GABBR2: variants seen among roughly 807,000 people sequenced by gnomAD.
GABBR2 encodes G-protein coupled receptor 51.
A neutral mutation model predicts 105.6 loss-of-function variants in GABBR2; 23 were observed. The ratio of observed to expected loss-of-function variants is 0.22; its 90% CI spans 0.16 to 0.31. GABBR2 has a LOEUF of 0.31. Among genes scored for constraint, GABBR2 ranks in the 10% least tolerant of loss-of-function variants. The probability of loss-of-function intolerance (pLI) is 1.00; values close to 1 mark genes in which losing one functional copy is unlikely to be tolerated. For synonymous variants in GABBR2, 478 were observed against 499.7 expected, an observed-to-expected ratio of 0.96 and a Z score of 0.58; for missense variants, 734 against 1,245.5, an observed-to-expected ratio of 0.59 and a Z score of 6.18.
chr9:98,353,413 CT>C (rs1428030249), intron 13 of GABBR2, among the ~76,000 whole-genome samples: 1 of 152,150 alleles, frequency 6.6e-6, no homozygotes, highest in Non-Finnish European at 1.5e-5. Context: ...TTCCAAACTC[CT>C]GTTAATGTTG....
At chr9:98,501,701 C>T (rs534728827) in intron 3 of GABBR2, among the ~76,000 whole-genome samples, 4 of 152,286 alleles carry the variant, frequency 2.6e-5, no homozygotes, top group South Asian at 4.2e-4. Context: ...GTGTAAAGGT[C>T]ACAAAGGGTG....
chr9:98,533,743 C>T (rs1454008366), intron 3 of GABBR2, among the ~76,000 whole-genome samples: 2 of 152,132 alleles, frequency 1.3e-5, no homozygotes, highest in African/African-American at 2.4e-5. Context: ...ACAGAGACGG[C>T]ACACCTGGAG....
At chr9:98,393,076 A>C (rs1427576385) in intron 9 of GABBR2, among the ~76,000 whole-genome samples, 1 of 143,692 alleles carries the variant, frequency 7.0e-6, no homozygotes, top group Non-Finnish European at 1.5e-5. Flanking sequence ...CCATCCACAC[A>C]CCCACTCATC....
chr9:98,376,203 C>T (rs933818929), intron 11 of GABBR2, among the ~76,000 whole-genome samples: 6 of 152,222 alleles, frequency 3.9e-5, no homozygotes, highest in Admixed American at 2.0e-4. Flanking sequence ...TCTGCTCAGC[C>T]GCTTGCTCCA....
intron 15 of GABBR2, chr9:98,304,368 C>T (rs1352823169): frequency 6.6e-6 from 1 of 152,360 alleles, no homozygotes; most frequent in Non-Finnish European, 1.5e-5. Flanking sequence ...CCCAAGGGTC[C>T]TGAGAGCCAG....
At chr9:98,681,456 A>C in intron 1 of GABBR2, among the ~76,000 whole-genome samples, 1 of 86,258 alleles carries the variant, frequency 1.2e-5, no homozygotes, top group Non-Finnish European at 2.2e-5. Context: ...GGGGAGGGGG[A>C]GGGATAGCAT....
chr9:98,578,032 A>G lies in GABBR2; in HGVS notation c.362T>C (p.Ile121Thr). The G allele has an allele frequency of 6.2e-7, 1 of 1,614,030 alleles. No homozygotes were observed. The highest frequency in any genetic ancestry group is 1.1e-5 in the South Asian group (1 of 91,054). Residue 121 changes from isoleucine (I) to threonine (T), a missense_variant, in exon 2 of 19, where the codon ATA becomes ACA. Coordinates refer to ENST00000259455, the MANE Select transcript of GABBR2 (RefSeq NM_005458.8). ...CATCAAGTGGTTAGGCCCGTATTTT[A>G]TTGCATCGTAGAAGGCTTTCAACCC... ...AKGLKAFYDA[I>T]KYGPNHLMVF...
chr9:98,456,910 A>T (rs1826334291), intron 6 of GABBR2, among the ~76,000 whole-genome samples: 1 of 152,246 alleles, frequency 6.6e-6, no homozygotes, highest in African/African-American at 2.4e-5. Context: ...TAATTATGTT[A>T]GGTGAATTTC....
intron 1 of GABBR2, among the ~76,000 whole-genome samples, chr9:98,610,341 A>G (rs544647356): frequency 6.6e-6 from 1 of 152,352 alleles, no homozygotes; most frequent in Non-Finnish European, 1.5e-5. Flanking sequence ...CCTGGCCCAC[A>G]GCCTGCACTA....
chr9:98,457,195 C>A (rs549972277), intron 6 of GABBR2, among the ~76,000 whole-genome samples: 1 of 152,220 alleles, frequency 6.6e-6, no homozygotes, highest in African/African-American at 2.4e-5. Context: ...CTCCAATGCA[C>A]GCAATGGCAT....
At chr9:98,503,666 C>T (rs1385465123) in intron 3 of GABBR2, among the ~76,000 whole-genome samples, 5 of 152,144 alleles carry the variant, frequency 3.3e-5, no homozygotes, top group East Asian at 1.9e-4. Context: ...TATCCCAAAA[C>T]GTAGCAGCTT....
chr9:98,370,838 C>A (rs1384438539), intron 12 of GABBR2, among the ~76,000 whole-genome samples: 1 of 152,288 alleles, frequency 6.6e-6, no homozygotes, highest in East Asian at 1.9e-4. Context: ...CTATACCAAA[C>A]CGCACGGGTG....
intron 1 of GABBR2, among the ~76,000 whole-genome samples, chr9:98,628,794 C>T (rs1829779470): frequency 6.6e-6 from 1 of 152,002 alleles, no homozygotes; most frequent in South Asian, 2.1e-4. Flanking sequence ...AGTGTGTGTC[C>T]CCCTCCAGCC....
intron 1 of GABBR2, among the ~76,000 whole-genome samples, chr9:98,605,853 C>T (rs1011041446): frequency 6.6e-6 from 1 of 152,020 alleles, no homozygotes; most frequent in Admixed American, 6.5e-5. Flanking sequence ...TATACATGTG[C>T]CATGTTGGTG....
chr9:98,641,673 T>C (rs1181703382), intron 1 of GABBR2, among the ~76,000 whole-genome samples: 1 of 152,198 alleles, frequency 6.6e-6, no homozygotes, highest in South Asian at 2.1e-4. Flanking sequence ...AGGTTTTGAG[T>C]AGAGAATCCA....
intron 1 of GABBR2, among the ~76,000 whole-genome samples, chr9:98,619,588 T>C (rs1472966833): frequency 1.3e-5 from 2 of 152,226 alleles, no homozygotes; most frequent in Non-Finnish European, 2.9e-5. Context: ...TCAATTTTGG[T>C]TAAAGTGCCT....
At chr9:98,513,805 G>A (rs1447804460) in intron 3 of GABBR2, among the ~76,000 whole-genome samples, 3 of 152,114 alleles carry the variant, frequency 2.0e-5, no homozygotes, top group African/African-American at 7.2e-5. Context: ...TTACACTGTT[G>A]GTGGGACTGT....
intron 1 of GABBR2, 31 bp from the exon 2 acceptor site, chr9:98,578,103 A>G: frequency 6.2e-7 from 1 of 1,611,846 alleles, no homozygotes. Flanking sequence ...AGAAAGGTCC[A>G]AATTAGAAAC....
intron 11 of GABBR2, among the ~76,000 whole-genome samples, chr9:98,382,375 A>G (rs1190454768): frequency 6.6e-6 from 1 of 152,010 alleles, no homozygotes; most frequent in Non-Finnish European, 1.5e-5. Context: ...GTGCAGTGGC[A>G]CGATCTCGGC....
Sources: allele counts gnomAD v4.1 joint callset (sites outside exome capture counted in the v4.1 genomes callset), GRCh38; gene constraint gnomAD v4.1.1; transcripts MANE v1.5; gene names NCBI Gene and HGNC (gene_info 2026-07-23, HGNC 2026-07-21).